Variants in SRBD1 observed in about 807,000 individuals in gnomAD.
SRBD1 encodes S1 RNA binding domain 1.
A neutral mutation model predicts 115.3 loss-of-function variants in SRBD1; 88 were observed. The observed-to-expected ratio is 0.76, with a 90% CI of 0.64 to 0.91. SRBD1 has a LOEUF of 0.91. Ranked by LOEUF, SRBD1 falls within the 40% of genes least tolerant of loss-of-function variation. The pLI, the probability that SRBD1 is intolerant of heterozygous loss-of-function variation, is 0.00. For missense variants in SRBD1, 1,385 were observed against 1,177.4 expected, an observed-to-expected ratio of 1.18 and a Z score of -2.58; for synonymous variants, 509 against 407.7, an observed-to-expected ratio of 1.25 and a Z score of -2.99.
Position 45,591,699 on chromosome 2 carries a change from C to A in SRBD1, c.649-5925G>T, listed in dbSNP as rs542476587. On this transcript the variant is annotated intron_variant, in intron 4 of 20. Coordinates refer to ENST00000263736, the MANE Select transcript of SRBD1 (RefSeq NM_018079.5). ...GACAGGCATGAGCATGGCAGGAGAG[C>A]CCCCCTCCCCAACTAGGAATGTTGG... 1.4e-4 allele frequency among the ~76,000 whole-genome samples: 22 copies of A among 152,260 alleles called. 1 individual carries two copies. In the South Asian group the frequency reaches 4.6e-3, roughly 32 times the overall value.
chr2:45,453,126 T>G (rs1669045278), intron 16 of SRBD1, among the ~76,000 whole-genome samples: 1 of 151,950 alleles, frequency 6.6e-6, no homozygotes, highest in Non-Finnish European at 1.5e-5. Context: ...TCTGATGAGA[T>G]GCTTGGCAGC....
At chr2:45,423,633 C>T (rs1310928991) in intron 16 of SRBD1, among the ~76,000 whole-genome samples, 1 of 151,922 alleles carries the variant, frequency 6.6e-6, no homozygotes, top group Admixed American at 6.6e-5. Flanking sequence ...TGAAGAACAC[C>T]AATCCTTCTC....
intron 19 of SRBD1, among the ~76,000 whole-genome samples, chr2:45,398,048 A>C (rs1456865730): frequency 6.6e-6 from 1 of 152,256 alleles, no homozygotes; most frequent in African/African-American, 2.4e-5. Flanking sequence ...GTTGTACTAC[A>C]GAAGCTAACA....
chr2:45,486,555 G>A (rs1247240391), intron 15 of SRBD1, among the ~76,000 whole-genome samples: 3 of 151,636 alleles, frequency 2.0e-5, no homozygotes, highest in African/African-American at 2.4e-5. Context: ...GTGAAACCTC[G>A]TCTCTACTAA....
intron 19 of SRBD1, among the ~76,000 whole-genome samples, chr2:45,396,552 G>A (rs1441810854): frequency 6.6e-6 from 1 of 152,148 alleles, no homozygotes; most frequent in African/African-American, 2.4e-5. Flanking sequence ...AGCACATCAT[G>A]TTCTTTAAGC....
chr2:45,454,717 C>T (rs1669100958), intron 16 of SRBD1, among the ~76,000 whole-genome samples: 1 of 151,834 alleles, frequency 6.6e-6, no homozygotes, highest in Non-Finnish European at 1.5e-5. Flanking sequence ...AATGCACGAA[C>T]ATTTGTTTGT....
chr2:45,397,722 G>C (rs1196366016), intron 19 of SRBD1, among the ~76,000 whole-genome samples: 1 of 152,104 alleles, frequency 6.6e-6, no homozygotes, highest in Non-Finnish European at 1.5e-5. Context: ...TCCTCCCTTG[G>C]CCTCCCAAGT....
chr2:45,524,645 A>C (rs535009243), intron 14 of SRBD1, among the ~76,000 whole-genome samples: 1 of 152,186 alleles, frequency 6.6e-6, no homozygotes, highest in Admixed American at 6.5e-5. Flanking sequence ...AAATTAAGGA[A>C]GATCTAAATA....
chr2:45,435,179 G>C (rs1057026291), intron 16 of SRBD1, among the ~76,000 whole-genome samples: 1 of 152,096 alleles, frequency 6.6e-6, no homozygotes, highest in Non-Finnish European at 1.5e-5. Context: ...ATCACTGATG[G>C]ACATCTGGGT....
intron 16 of SRBD1, among the ~76,000 whole-genome samples, chr2:45,455,853 T>C (rs1669135772): frequency 6.6e-6 from 1 of 151,894 alleles, no homozygotes; most frequent in African/African-American, 2.4e-5. Context: ...AAAGAGCATG[T>C]CACTGCTAAC....
intron 16 of SRBD1, among the ~76,000 whole-genome samples, chr2:45,460,790 C>T (rs758521695): frequency 1.3e-5 from 2 of 152,164 alleles, no homozygotes; most frequent in Non-Finnish European, 2.9e-5. Context: ...TTTAATTCTA[C>T]TAGTGAAGAC....
At chr2:45,582,417 C>G (rs567526444) in intron 5 of SRBD1, among the ~76,000 whole-genome samples, 1 of 152,224 alleles carries the variant, frequency 6.6e-6, no homozygotes, top group African/African-American at 2.4e-5. Flanking sequence ...TAACTTTGAT[C>G]ATTTGATTAA....
chr2:45,463,572 G>A (rs1036602865), intron 16 of SRBD1, among the ~76,000 whole-genome samples: 1 of 151,956 alleles, frequency 6.6e-6, no homozygotes, highest in East Asian at 1.9e-4. Context: ...TAATCACCTA[G>A]CACAATCTTA....
At chr2:45,523,065 G>A (rs570729915) in intron 14 of SRBD1, among the ~76,000 whole-genome samples, 2 of 151,836 alleles carry the variant, frequency 1.3e-5, no homozygotes, top group Non-Finnish European at 2.9e-5. Flanking sequence ...CTCAACATGT[G>A]TATGAAACAG....
intron 10 of SRBD1, among the ~76,000 whole-genome samples, chr2:45,561,103 T>C (rs1672651845): frequency 6.6e-6 from 1 of 151,866 alleles, no homozygotes; most frequent in Non-Finnish European, 1.5e-5. Flanking sequence ...TGAGACCCTG[T>C]CTCTCAAAAA....
intron 10 of SRBD1, among the ~76,000 whole-genome samples, chr2:45,556,326 C>A (rs371478665): frequency 6.7e-6 from 1 of 149,918 alleles, no homozygotes; most frequent in African/African-American, 2.5e-5. Context: ...ATGTATGGCA[C>A]AATAAATGTA....
chr2:45,557,318 C>T (rs962671225), intron 10 of SRBD1, among the ~76,000 whole-genome samples: 1 of 152,164 alleles, frequency 6.6e-6, no homozygotes, highest in Non-Finnish European at 1.5e-5. Flanking sequence ...AAGACCCTAA[C>T]AGAGGGATTT....
chr2:45,558,785 G>A (rs1672567004), intron 10 of SRBD1, among the ~76,000 whole-genome samples: 2 of 147,558 alleles, frequency 1.4e-5, no homozygotes, highest in Non-Finnish European at 1.5e-5. Flanking sequence ...TCCACCTCCT[G>A]GGTTCAAGCA....
chr2:45,532,042 T>C (rs1671629229), intron 14 of SRBD1, among the ~76,000 whole-genome samples: 1 of 148,580 alleles, frequency 6.7e-6, no homozygotes, highest in African/African-American at 2.5e-5. Flanking sequence ...TATTAAAGAC[T>C]CTCCAACCCA....
Sources: allele counts gnomAD v4.1 joint callset (sites outside exome capture counted in the v4.1 genomes callset), GRCh38; gene constraint gnomAD v4.1.1; transcripts MANE v1.5; gene names NCBI Gene and HGNC (gene_info 2026-07-23, HGNC 2026-07-21).